MARCHF1: variants seen among roughly 807,000 people sequenced by gnomAD.
MARCHF1 encodes E3 ubiquitin-protein ligase MARCHF1.
MARCHF1 carries 40 observed loss-of-function variants against 54.2 expected under a neutral mutation model. That is an observed-to-expected ratio of 0.74 (90% CI 0.57 to 0.96). MARCHF1 has a LOEUF of 0.96. MARCHF1 is among the 40% of genes least tolerant of loss of function. The pLI, the probability that MARCHF1 is intolerant of heterozygous loss-of-function variation, is 0.00. For missense variants in MARCHF1, 586 were observed against 656.5 expected (o/e 0.89, Z 1.17); for synonymous variants, 236 against 236.3 (o/e 1.00, Z 0.01).
At chr4:164,197,023 C>A (rs748631595) in intron 1 of MARCHF1, 2 of 1,605,136 alleles carry the variant, frequency 1.2e-6, no homozygotes, top group African/African-American at 2.7e-5. Flanking sequence ...TCGCTTCTGA[C>A]CCCTTTCTTC....
intron 2 of MARCHF1, among the ~76,000 whole-genome samples, chr4:164,026,386 A>G (rs907247851): frequency 6.6e-6 from 1 of 152,186 alleles, no homozygotes; most frequent in Non-Finnish European, 1.5e-5. Context: ...TTAATACACC[A>G]CAATCAGGTA....
intron 4 of MARCHF1, among the ~76,000 whole-genome samples, chr4:163,733,215 A>ACACATG (rs1393745834): frequency 8.5e-5 from 3 of 35,122 alleles, no homozygotes; most frequent in African/African-American, 1.3e-4. Context: ...ATATATATAT[A>ACACATG]TATATACACG....
intron 4 of MARCHF1, among the ~76,000 whole-genome samples, chr4:163,723,161 A>G (rs1281013903): frequency 6.6e-6 from 1 of 152,130 alleles, no homozygotes; most frequent in African/African-American, 2.4e-5. Context: ...ACTGGCTGGT[A>G]CCAGTTGTTC....
chr4:163,815,643 T>C (rs1356088155), intron 4 of MARCHF1, among the ~76,000 whole-genome samples: 1 of 152,166 alleles, frequency 6.6e-6, no homozygotes, highest in Middle Eastern at 3.2e-3. Context: ...TTTGTGTGCT[T>C]ACTGTTCCAT....
In MARCHF1 at chr4:163,661,145, CA is replaced by C. The variant is rs5863619; in HGVS notation, c.162+39667del. Among the ~76,000 whole-genome samples the C allele has an allele frequency of 6.9e-3, 1,042 of 152,016 alleles. 8 individuals are homozygous for C. The highest frequency in any genetic ancestry group is 0.011 in the Non-Finnish European group (757 of 67,934). On this transcript the variant is annotated intron_variant, in intron 5 of 9. Transcript: ENST00000514618. ...CCATCCATCTCTTTCTTCTGTTCTC[CA>C]AATAAGATTGTATAATAATTTGGCT...
chr4:164,042,812 C>G (rs1487203081), intron 2 of MARCHF1, among the ~76,000 whole-genome samples: 1 of 152,184 alleles, frequency 6.6e-6, no homozygotes, highest in African/African-American at 2.4e-5. Context: ...AATGGGGGTA[C>G]AGGCATTGGG....
intron 4 of MARCHF1, among the ~76,000 whole-genome samples, chr4:163,744,544 T>G (rs901461739): frequency 2.6e-5 from 4 of 152,180 alleles, no homozygotes; most frequent in Non-Finnish European, 5.9e-5. Flanking sequence ...ACATACTTAA[T>G]TTGTTGGTAA....
rs545781507 is a variant in MARCHF1, at chr4:163,551,342, T to G, written c.1192-5599A>C. ...TCTGGGAGAGAACTAAACAACAGAC[T>G]CTTAATTATGAGGAGTAACTCTTGA... On this transcript the variant is annotated intron_variant, in intron 8 of 9. Transcript: ENST00000514618. Among the ~76,000 whole-genome samples the G allele has an allele frequency of 2.0e-3, 311 of 152,318 alleles. 2 individuals carry two copies. The highest frequency in any genetic ancestry group is 3.3e-3 in the Non-Finnish European group (227 of 68,020).
chr4:163,620,423 G>A (rs994208586), intron 5 of MARCHF1, among the ~76,000 whole-genome samples: 1 of 152,044 alleles, frequency 6.6e-6, no homozygotes, highest in African/African-American at 2.4e-5. Flanking sequence ...TAATTTTGCT[G>A]AAACATTTTT....
At position 164,153,378 on chromosome 4, in the gene MARCHF1, G is replaced by C. The variant is rs866623001; in HGVS notation, c.-322-41716C>G. On this transcript the variant is annotated intron_variant, in intron 1 of 9. Coordinates refer to ENST00000514618, the MANE Select transcript of MARCHF1 (RefSeq NM_001394959.1). ...TATAGAAGGAATAACTCAAACTCAA[G>C]TACCCATCCAGTGGAAAAATAACCA... Among the ~76,000 whole-genome samples, 17 of 152,086 alleles carry C rather than the reference G, an allele frequency of 1.1e-4. No homozygotes were observed. In the Middle Eastern group the frequency reaches 0.01, roughly 91 times the overall value.
At chr4:164,147,164 C>G (rs1352813759) in intron 1 of MARCHF1, among the ~76,000 whole-genome samples, 2 of 151,772 alleles carry the variant, frequency 1.3e-5, no homozygotes, top group African/African-American at 4.9e-5. Flanking sequence ...CATTAAAAGT[C>G]AGGAAACAAC....
At chr4:163,640,341 A>T (rs1188901603) in intron 5 of MARCHF1, among the ~76,000 whole-genome samples, 1 of 152,148 alleles carries the variant, frequency 6.6e-6, no homozygotes, top group East Asian at 1.9e-4. Context: ...CCATGAAGCC[A>T]TATCCATGTG....
At chr4:163,940,259 G>A (rs1353663248) in intron 3 of MARCHF1, among the ~76,000 whole-genome samples, 1 of 152,104 alleles carries the variant, frequency 6.6e-6, no homozygotes, top group African/African-American at 2.4e-5. Context: ...TATAATGGCA[G>A]TTTGCAAATG....
At chr4:164,020,968 C>T (rs1037167975) in intron 2 of MARCHF1, among the ~76,000 whole-genome samples, 1 of 151,844 alleles carries the variant, frequency 6.6e-6, no homozygotes, top group East Asian at 1.9e-4. Flanking sequence ...AGGAAGTGCT[C>T]ATTTGTTGTT....
At chr4:164,382,759 T>C (rs1316993644) in intron 1 of MARCHF1, among the ~76,000 whole-genome samples, 1 of 151,824 alleles carries the variant, frequency 6.6e-6, no homozygotes, top group Non-Finnish European at 1.5e-5. Flanking sequence ...AGCCAGGGGG[T>C]TGGGTGTTGG....
intron 4 of MARCHF1, among the ~76,000 whole-genome samples, chr4:163,850,895 GA>G (rs1313112543): frequency 6.6e-6 from 1 of 152,144 alleles, no homozygotes; most frequent in Non-Finnish European, 1.5e-5. Context: ...ACAGAATACA[GA>G]AGTTTCCAGG....
At chr4:163,555,371 G>C (rs948437788) in intron 8 of MARCHF1, among the ~76,000 whole-genome samples, 1 of 152,098 alleles carries the variant, frequency 6.6e-6, no homozygotes, top group Non-Finnish European at 1.5e-5. Context: ...AATATCTGAC[G>C]GTTTTTCACA....
rs144503766 is a variant in MARCHF1 at position 164,063,150 on chromosome 4, G to A, written c.-248+48438C>T. 1.5e-3 allele frequency among the ~76,000 whole-genome samples: 222 copies of A among 152,178 alleles called. 5 individuals are homozygous for A. The East Asian group carries it at 0.035, about 24-fold the overall frequency. ...AGTATACTTTGCGTAATTCTTAAGG[G>A]CCCTACGATTTTCAGAATGGCAAAT... On this transcript the variant is annotated intron_variant, in intron 2 of 9. Transcript: ENST00000514618.
intron 1 of MARCHF1, among the ~76,000 whole-genome samples, chr4:164,229,083 A>G (rs988881195): frequency 1.3e-5 from 2 of 152,190 alleles, no homozygotes; most frequent in South Asian, 2.1e-4. Flanking sequence ...TCTCAAATAT[A>G]TAGAAAGCTG....
Sources: gnomAD v4.1 joint callset for allele counts (sites outside exome capture counted in the v4.1 genomes callset) on GRCh38, gnomAD v4.1.1 for gene constraint, MANE v1.5 for transcripts, NCBI Gene and HGNC (gene_info 2026-07-23, HGNC 2026-07-21) for gene names.